RNPS1: variants seen among roughly 807,000 people sequenced by gnomAD.
RNPS1 encodes the protein RNA-binding protein with serine-rich domain 1.
For missense variants in RNPS1, 300 were observed against 427.6 expected (o/e 0.70, Z 2.63); for synonymous variants, 147 against 150.0 (o/e 0.98, Z 0.15).
intron 6 of RNPS1, among the ~76,000 whole-genome samples, chr16:2,260,835 CA>C (rs1185862691): frequency 5.3e-5 from 8 of 151,932 alleles, no homozygotes; most frequent in South Asian, 2.1e-4. Context: ...GGGAAGCCCC[CA>C]AAAAAAATTG....
At chr16:2,261,376 C>T (rs914846288) in intron 6 of RNPS1, among the ~76,000 whole-genome samples, 1 of 152,118 alleles carries the variant, frequency 6.6e-6, no homozygotes, top group Non-Finnish European at 1.5e-5. Context: ...AAAGTGCTAC[C>T]GGGAACAAAT....
intron 5 of RNPS1, 121 bp downstream of exon 5, chr16:2,262,619 C>T: frequency 1.0e-6 from 1 of 1,001,120 alleles, no homozygotes; most frequent in Non-Finnish European, 1.5e-6. Context: ...CGAATCAATG[C>T]TGTACTCAAA....
intron 3 of RNPS1, 108 bp from the exon 4 acceptor site, chr16:2,263,395 C>T (rs1596812142): frequency 2.8e-6 from 3 of 1,061,932 alleles, no homozygotes; most frequent in Admixed American, 2.1e-5. Context: ...TGTTCGGGTG[C>T]CTCCAGGCCT....
Position 2,262,772 on chromosome 16 carries a change from G to T in RNPS1, c.490C>A (p.His164Asn). ...ACATTCCGGGTGAGTCTCCCAATGTGCACTTTGGTGGGCTTAGGAGATGGG... is the reference window on the plus strand; with the variant it reads ...ACATTCCGGGTGAGTCTCCCAATGTTCACTTTGGTGGGCTTAGGAGATGGG... ...RSPSPKPTKV[H>N]IGRLTRNVTK... Residue 164 changes from histidine to asparagine, a missense_variant, in exon 5 of 8, where the codon CAC (histidine) becomes AAC (asparagine). His to Asn is a moderately conservative substitution (Grantham distance 68). Coordinates refer to ENST00000320225, the MANE Select transcript of RNPS1 (RefSeq NM_080594.4). 1 of 1,613,340 alleles carries T rather than the reference G, an allele frequency of 6.2e-7. No homozygotes were observed. The highest frequency in any genetic ancestry group is 8.5e-7 in the Non-Finnish European group (1 of 1,179,980).
intron 7 of RNPS1, among the ~76,000 whole-genome samples, chr16:2,254,434 C>T (rs2093567616): frequency 6.6e-6 from 1 of 152,122 alleles, no homozygotes; most frequent in Non-Finnish European, 1.5e-5. Context: ...ACTGGGACTA[C>T]AGGCACACGC....
chr16:2,258,094 C>T (rs1813562110), intron 6 of RNPS1: 1 of 152,192 alleles, frequency 6.6e-6, no homozygotes, highest in Non-Finnish European at 1.5e-5. Flanking sequence ...CTATAAACGT[C>T]ATGAGTGGTT....
In RNPS1 at chr16:2,268,099, A is replaced by T; in HGVS notation, c.-162T>A. 1 of 1,535,344 alleles carries T rather than the reference A, an allele frequency of 6.5e-7. No individual in the cohort carries two copies. The highest frequency in any genetic ancestry group is 8.7e-7 in the Non-Finnish European group (1 of 1,146,552). On this transcript the variant is annotated 5_prime_UTR_variant, in exon 1 of 8. Transcript: ENST00000320225. ...CTCCTCCTGCTTTCCTCAGCCGCCG[A>T]GGCCGGCGCCGCTCTGACGTCAGAG...
At chr16:2,266,431 AG>A (rs2093625510) in intron 1 of RNPS1, 1 of 981,492 alleles carries the variant, frequency 1.0e-6, no homozygotes, top group African/African-American at 1.7e-5. Flanking sequence ...CTGGAGCCAG[AG>A]GGCCTGGGTT....
chr16:2,257,015 G>A (rs2093581583), intron 6 of RNPS1: 1 of 152,270 alleles, frequency 6.6e-6, no homozygotes, highest in African/African-American at 2.4e-5. Context: ...GGAAATTTTA[G>A]GAGATGCCAA....
intron 6 of RNPS1, 31 bp downstream of exon 6, chr16:2,262,247 G>A (rs1186795773): frequency 1.3e-6 from 2 of 1,596,302 alleles, no homozygotes; most frequent in East Asian, 4.5e-5. Context: ...GGGTCTCTGA[G>A]AGGTCAGGGT....
intron 1 of RNPS1, chr16:2,267,393 A>G: frequency 1.0e-6 from 1 of 984,208 alleles, no homozygotes; most frequent in Non-Finnish European, 1.2e-6. Context: ...CTCCTCCAAC[A>G]AACTTAACCT....
At position 2,267,137 on chromosome 16, in the gene RNPS1, C is replaced by A. The variant is rs191819023; in HGVS notation, c.-118+918G>T. 4,049 of 961,234 alleles carry A rather than the reference C, an allele frequency of 4.2e-3. 12 individuals carry two copies. The highest frequency in any genetic ancestry group is 4.5e-3 in the Non-Finnish European group (3,642 of 808,004). The allele number at this position is 961,234 out of a possible 1,614,324, so 59.5% of individuals were successfully genotyped here. A position where few individuals can be genotyped will look rare whatever the true frequency, so the allele number is the denominator to read the frequency against. ...AAGCGGACGCCTTGCTGGGTGCGGT[C>A]GAGTGCTAGAAAGCAAAAGTTGAGG... On this transcript the variant is annotated intron_variant, in intron 1 of 7. Transcript: ENST00000320225.
At chr16:2,255,449 GCT>G in intron 7 of RNPS1, 134 bp downstream of exon 7, 1 of 1,017,540 alleles carries the variant, frequency 9.8e-7, no homozygotes, top group Non-Finnish European at 1.4e-6. Context: ...CTCTCCATGA[GCT>G]CTGAAGGGCT....
rs908469438 is a variant in RNPS1 at position 2,255,786 on chromosome 16, T to C, written c.677-60A>G. 11 of 1,555,762 alleles carry C rather than the reference T, an allele frequency of 7.1e-6. 1 individual carries two copies. The Admixed American group carries it at 1.5e-4, about 21-fold the overall frequency. On this transcript the variant is annotated intron_variant, in intron 6 of 7. Transcript: ENST00000320225. ...ACAAGCATCTACCCTAGACAATGCA[T>C]GCCACAGTGAAAGACAGGCCTGGGG...
chr16:2,258,091 C>T (rs551381091), intron 6 of RNPS1: 3 of 152,160 alleles, frequency 2.0e-5, no homozygotes, highest in African/African-American at 2.4e-5. Context: ...TAGCTATAAA[C>T]GTCATGAGTG....
intron 7 of RNPS1, 102 bp downstream of exon 7, chr16:2,255,483 C>A: frequency 1.5e-6 from 2 of 1,360,236 alleles, no homozygotes; most frequent in South Asian, 2.8e-5. Context: ...CCAGCCCGCA[C>A]AGCAGTGGAA....
intron 5 of RNPS1, 83 bp from the exon 6 acceptor site, chr16:2,262,514 A>T: frequency 1.4e-6 from 2 of 1,464,038 alleles, no homozygotes; most frequent in Non-Finnish European, 1.9e-6. Flanking sequence ...TCATGACTAA[A>T]ACCTCGGCAG....
chr16:2,263,046 T>A lies in RNPS1; in HGVS notation c.419+50A>T. ...TCCCTTTTATAACCTCGATGGTAAA[T>A]CTGTAGCCCCGAGCTTGTAAACTTT... On this transcript the variant is annotated intron_variant, in intron 4 of 7. Coordinates refer to ENST00000320225, the MANE Select transcript of RNPS1 (RefSeq NM_080594.4). The A allele has an allele frequency of 1.9e-6, 3 of 1,575,878 alleles. No homozygotes were observed. The Middle Eastern group carries it at 6.6e-4, about 348-fold the overall frequency.
chr16:2,256,791 G>T (rs549816130), intron 6 of RNPS1: 11 of 152,286 alleles, frequency 7.2e-5, no homozygotes, highest in Non-Finnish European at 1.6e-4. Flanking sequence ...AGCTGGGTCT[G>T]GGGCTAAGAG....
Sources: gnomAD v4.1 joint callset for allele counts (sites outside exome capture counted in the v4.1 genomes callset) on GRCh38, gnomAD v4.1.1 for gene constraint, MANE v1.5 for transcripts, NCBI Gene and HGNC (gene_info 2026-07-23, HGNC 2026-07-21) for gene names.